BCL2: variants seen among roughly 807,000 people sequenced by gnomAD.
The protein encoded by BCL2 is BCL2 apoptosis regulator.
BCL2 carries 1 observed loss-of-function variant against 14.2 expected under a neutral mutation model. The observed-to-expected ratio is 0.07, with a 90% CI of 0.02 to 0.33. The LOEUF is 0.33. BCL2 is among the 10% of genes least tolerant of loss of function. The pLI, the probability that BCL2 is intolerant of heterozygous loss-of-function variation, is 0.99. For synonymous variants in BCL2, 151 were observed against 137.2 expected (o/e 1.10, Z -0.70); for missense variants, 247 against 305.9 (o/e 0.81, Z 1.44).
chr18:63,296,245 TC>T (rs1478401583), intron 2 of BCL2, among the ~76,000 whole-genome samples: 12 of 152,308 alleles, frequency 7.9e-5, no homozygotes, highest in African/African-American at 2.6e-4. Context: ...AAGTTCTATT[TC>T]CAACCTTCCC....
chr18:63,242,785 A>C (rs936501616), intron 2 of BCL2, among the ~76,000 whole-genome samples: 1 of 152,190 alleles, frequency 6.6e-6, no homozygotes, highest in African/African-American at 2.4e-5. Flanking sequence ...AATTGCTGAA[A>C]ATGCATGTGG....
At chr18:63,141,174 C>T (rs188106221) in intron 2 of BCL2, among the ~76,000 whole-genome samples, 46 of 152,332 alleles carry the variant, frequency 3.0e-4, no homozygotes, top group African/African-American at 9.4e-4. Flanking sequence ...AGTCTCTCTC[C>T]GCTCTACCAT....
rs931884754 is a variant in BCL2 at position 63,124,192 on chromosome 18, A to C, written c.*4433T>G. ...GTAAGACTAAAGGACTTGTATTATC[A>C]CTCTCCAATTCAGTTTCACATTGCT... On this transcript the variant is annotated 3_prime_UTR_variant, in exon 3 of 3. Transcript: ENST00000333681. 9.0e-6 allele frequency: 2 copies of C among 222,422 alleles called. No individual in the cohort carries two copies. The highest frequency in any genetic ancestry group is 2.2e-5 in the African/African-American group (1 of 44,618). 13.8% of individuals were successfully genotyped at this position (222,422 alleles called of 1,614,324 possible).
At chr18:63,215,880 C>T (rs1023657388) in intron 2 of BCL2, among the ~76,000 whole-genome samples, 51 of 151,956 alleles carry the variant, frequency 3.4e-4, no homozygotes, top group African/African-American at 1.2e-3. Flanking sequence ...CTTATAGGTA[C>T]TATTGGAAAT....
At chr18:63,287,454 G>C (rs747232269) in intron 2 of BCL2, among the ~76,000 whole-genome samples, 1 of 152,158 alleles carries the variant, frequency 6.6e-6, no homozygotes, top group African/African-American at 2.4e-5. Context: ...AAACTCTAGG[G>C]ATATAGAAGA....
intron 2 of BCL2, among the ~76,000 whole-genome samples, chr18:63,143,275 A>G (rs1027770807): frequency 2.0e-5 from 3 of 152,242 alleles, no homozygotes; most frequent in Non-Finnish European, 4.4e-5. Context: ...GCAATCATGG[A>G]TGAGTTTTAA....
At chr18:63,261,002 T>C (rs1911643206) in intron 2 of BCL2, among the ~76,000 whole-genome samples, 2 of 152,026 alleles carry the variant, frequency 1.3e-5, no homozygotes, top group Admixed American at 1.3e-4. Flanking sequence ...TCAATTAAGG[T>C]CCAGGGAAGG....
rs956564561 is a variant in BCL2 at position 63,319,424 on chromosome 18, G to GA, written c.-538dup. 9.8e-3 allele frequency: 2,004 copies of GA among 205,224 alleles called. No homozygotes were observed. Among genetic ancestry groups the GA allele is most frequent in the Middle Eastern group, 0.024 (15 of 616 alleles). The allele number at this position is 205,224 out of a possible 1,614,324, so 12.7% of individuals were successfully genotyped here. On this transcript the variant is annotated 5_prime_UTR_variant, in exon 1 of 3. Coordinates refer to ENST00000333681, the MANE Select transcript of BCL2 (RefSeq NM_000633.3). Reference sequence around the variant, plus strand: ...CCAACCGGAGATCTCAAGAGCTCGAGAAAAAAAAAAGGCAGCGGCGGCGGC... The same window carrying GA: ...CCAACCGGAGATCTCAAGAGCTCGAGAAAAAAAAAAAGGCAGCGGCGGCGGC...
At chr18:63,219,526 A>G (rs1910325163) in intron 2 of BCL2, among the ~76,000 whole-genome samples, 2 of 143,592 alleles carry the variant, frequency 1.4e-5, no homozygotes, top group South Asian at 4.3e-4. Flanking sequence ...GCACAATCTC[A>G]GCTCACTGCA....
intron 2 of BCL2, among the ~76,000 whole-genome samples, chr18:63,224,410 A>G (rs1329132592): frequency 6.6e-6 from 1 of 152,248 alleles, no homozygotes; most frequent in East Asian, 1.9e-4. Context: ...CCAGGGGAAA[A>G]GAAAAATAAG....
chr18:63,163,038 G>A (rs376917382), intron 2 of BCL2, among the ~76,000 whole-genome samples: 3 of 152,156 alleles, frequency 2.0e-5, no homozygotes, highest in African/African-American at 7.2e-5. Flanking sequence ...TAGAGATGGG[G>A]TCTGGCTATG....
intron 2 of BCL2, among the ~76,000 whole-genome samples, chr18:63,274,482 A>C (rs1912095011): frequency 6.6e-6 from 1 of 151,780 alleles, no homozygotes; most frequent in African/African-American, 2.4e-5. Context: ...ACAGGGTTTC[A>C]CCATGTTGGC....
intron 2 of BCL2, among the ~76,000 whole-genome samples, chr18:63,290,775 G>A (rs370430305): frequency 6.6e-6 from 1 of 152,188 alleles, no homozygotes; most frequent in African/African-American, 2.4e-5. Context: ...TTTGGTAGAA[G>A]GCAATGGAAA....
chr18:63,241,178 C>T (rs748458065), intron 2 of BCL2, among the ~76,000 whole-genome samples: 2 of 152,228 alleles, frequency 1.3e-5, no homozygotes, highest in Non-Finnish European at 2.9e-5. Context: ...TTCTAACTCC[C>T]GGTCTTTGGT....
rs76576108 is a variant in BCL2, at chr18:63,164,854, G to C, written c.586-36095C>G. Among the ~76,000 whole-genome samples the C allele has an allele frequency of 1.2e-3, 176 of 152,356 alleles. 2 individuals are homozygous for C. The East Asian group carries it at 0.013, about 11-fold the overall frequency. ...GGTAGCCCTGTAGATAGATTTTCAA[G>C]AGAGACTGTGAAATCCTCAAGTCAA... On this transcript the variant is annotated intron_variant, in intron 2 of 2. Transcript: ENST00000333681.
intron 2 of BCL2, chr18:63,151,217 A>C (rs1259947535): frequency 6.6e-6 from 1 of 151,980 alleles, no homozygotes; most frequent in African/African-American, 2.4e-5. Flanking sequence ...ACCCTAAGCT[A>C]CTTTTTTGCC....
At chr18:63,295,742 C>T (rs759132114) in intron 2 of BCL2, among the ~76,000 whole-genome samples, 2 of 152,130 alleles carry the variant, frequency 1.3e-5, no homozygotes, top group Non-Finnish European at 2.9e-5. Context: ...ACTGCACCTC[C>T]CCAACCTTTT....
chr18:63,209,556 C>T lies in BCL2; in HGVS notation c.586-80797G>A, dbSNP rs149661326. Among the ~76,000 whole-genome samples, 487 of 152,218 alleles carry T rather than the reference C, an allele frequency of 3.2e-3. 9 individuals carry two copies. Among genetic ancestry groups the T allele is most frequent in the Non-Finnish European group, 1.8e-3 (122 of 68,016 alleles). On this transcript the variant is annotated intron_variant, in intron 2 of 2. Transcript: ENST00000333681. Reference sequence around the variant, plus strand: ...TCAACCCAATACACTGTACCCAATACACTGTTAGTGGCGGAGGGAGAGGCA... The same window carrying T: ...TCAACCCAATACACTGTACCCAATATACTGTTAGTGGCGGAGGGAGAGGCA...
chr18:63,310,113 T>C (rs1452413796), intron 2 of BCL2, among the ~76,000 whole-genome samples: 1 of 152,180 alleles, frequency 6.6e-6, no homozygotes, highest in Admixed American at 6.5e-5. Context: ...TCCACCCACC[T>C]TGAGCTCCCA....
Sources: gnomAD v4.1 joint callset for allele counts (sites outside exome capture counted in the v4.1 genomes callset) on GRCh38, gnomAD v4.1.1 for gene constraint, MANE v1.5 for transcripts, NCBI Gene and HGNC (gene_info 2026-07-23, HGNC 2026-07-21) for gene names.